CCSER2: variants seen among roughly 807,000 people sequenced by gnomAD.
CCSER2 encodes coiled-coil serine rich protein 2, also known as serine-rich coiled-coil domain-containing protein 2.
In CCSER2, 46 loss-of-function variants were observed where a neutral mutation model predicts 92.3. That is an observed-to-expected ratio of 0.50 (90% confidence interval 0.39 to 0.64). The LOEUF (loss-of-function observed/expected upper bound fraction) is 0.64. Ranked by LOEUF, CCSER2 falls within the 30% of genes least tolerant of loss-of-function variation. The pLI is 0.00. For synonymous variants in CCSER2, 433 were observed against 431.4 expected (o/e 1.00, Z -0.04); for missense variants, 1,244 against 1,238.9 (o/e 1.00, Z -0.06).
At chr10:84,384,948 A>G (rs1367797952) in intron 3 of CCSER2, among the ~76,000 whole-genome samples, 1 of 152,022 alleles carries the variant, frequency 6.6e-6, no homozygotes, top group African/African-American at 2.4e-5. Context: ...TGGTATATCC[A>G]TACACCATCA....
intron 9 of CCSER2, among the ~76,000 whole-genome samples, chr10:84,499,144 AT>A (rs929495160): frequency 1.3e-5 from 2 of 150,924 alleles, no homozygotes; most frequent in Non-Finnish European, 3.0e-5. Context: ...AAGAAATTTT[AT>A]TTTTTTTTGA....
At chr10:84,483,513 A>C (rs896548927) in intron 9 of CCSER2, among the ~76,000 whole-genome samples, 19 of 152,154 alleles carry the variant, frequency 1.2e-4, no homozygotes, top group African/African-American at 4.6e-4. Flanking sequence ...CAGTTACATC[A>C]CAAAAATCAC....
intron 5 of CCSER2, among the ~76,000 whole-genome samples, chr10:84,431,491 A>T (rs1843760731): frequency 6.6e-6 from 1 of 152,186 alleles, no homozygotes; most frequent in African/African-American, 2.4e-5. Context: ...CTGCAGTCTC[A>T]GCACTTTGAG....
intron 3 of CCSER2, among the ~76,000 whole-genome samples, chr10:84,382,346 A>G (rs1436442452): frequency 6.6e-6 from 1 of 152,174 alleles, no homozygotes; most frequent in Non-Finnish European, 1.5e-5. Context: ...AGAGGAGTTG[A>G]GTAAATTGGC....
Position 84,417,834 on chromosome 10 carries a change from C to T in CCSER2, c.1678C>T (p.Leu560=). Residue 560 remains leucine (L), a synonymous_variant, in exon 4 of 10, where the codon CTG becomes TTG. Transcript: ENST00000372088. ...TGATGATCTTATGCTTGATGTGGATCTGCCTGAGGATGCACCTCTTGAAAA... is the reference window on the plus strand; with the variant it reads ...TGATGATCTTATGCTTGATGTGGATTTGCCTGAGGATGCACCTCTTGAAAA... ...EDDDLMLDVD[L]PEDAPLENVE... is the part of the protein sequence containing the mutation. 1 of 1,587,782 alleles carries T rather than the reference C, an allele frequency of 6.3e-7. No homozygotes were observed. Among genetic ancestry groups the T allele is most frequent in the Non-Finnish European group, 8.6e-7 (1 of 1,156,242 alleles).
intron 1 of CCSER2, among the ~76,000 whole-genome samples, chr10:84,344,934 T>C (rs1844398577): frequency 1.3e-5 from 2 of 150,656 alleles, no homozygotes; most frequent in Non-Finnish European, 3.0e-5. Flanking sequence ...ATAATAAAAA[T>C]ATCTACACTG....
chr10:84,393,966 A>G (rs192911334), intron 3 of CCSER2: 1 of 152,348 alleles, frequency 6.6e-6, no homozygotes, highest in Non-Finnish European at 1.5e-5. Context: ...TTGAGTTACA[A>G]AATTTGAACG....
intron 6 of CCSER2, among the ~76,000 whole-genome samples, chr10:84,448,748 AC>A (rs1845082610): frequency 6.6e-6 from 1 of 152,076 alleles, no homozygotes; most frequent in Admixed American, 6.5e-5. Context: ...TCTTTCTCAA[AC>A]CCGGCCCAGG....
At chr10:84,438,268 G>A (rs539494168) in intron 5 of CCSER2, among the ~76,000 whole-genome samples, 36 of 152,272 alleles carry the variant, frequency 2.4e-4, no homozygotes, top group Middle Eastern at 6.8e-3. Flanking sequence ...CCTAAAGAAG[G>A]TTTATTCTTC....
intron 3 of CCSER2, among the ~76,000 whole-genome samples, chr10:84,399,801 C>CT (rs35557307): frequency 0.12 from 15,500 of 133,224 alleles, 1,002 homozygotes; most frequent in Admixed American, 0.17. Context: ...CTTTTTTGGC[C>CT]TTTTTTTTTT....
chr10:84,463,387 C>A (rs1011792746), intron 6 of CCSER2, among the ~76,000 whole-genome samples: 1 of 152,090 alleles, frequency 6.6e-6, no homozygotes, highest in African/African-American at 2.4e-5. Context: ...TTTAGTCTAC[C>A]ATCATTCTTC....
chr10:84,509,263 C>T (rs1410572528), intron 9 of CCSER2, among the ~76,000 whole-genome samples: 2 of 152,072 alleles, frequency 1.3e-5, no homozygotes, highest in Non-Finnish European at 2.9e-5. Context: ...AATTCTTGGC[C>T]AAATAAGTAA....
chr10:84,366,377 G>A (rs974735985), intron 1 of CCSER2, among the ~76,000 whole-genome samples: 1 of 152,188 alleles, frequency 6.6e-6, no homozygotes. Context: ...TTACTTAAAA[G>A]TTGAGGATCT....
intron 1 of CCSER2, among the ~76,000 whole-genome samples, chr10:84,348,527 AG>A (rs1435486160): frequency 6.6e-6 from 1 of 152,078 alleles, no homozygotes; most frequent in East Asian, 1.9e-4. Flanking sequence ...GGCGAGGGCG[AG>A]GGCGAGGGAG....
chr10:84,447,615 G>C (rs1334986379), intron 6 of CCSER2, among the ~76,000 whole-genome samples: 1 of 152,008 alleles, frequency 6.6e-6, no homozygotes, highest in Non-Finnish European at 1.5e-5. Context: ...ATCCTTTCTT[G>C]CTCTGAGGCC....
intron 6 of CCSER2, chr10:84,454,944 T>A (rs1277244725): frequency 6.6e-6 from 1 of 152,288 alleles, no homozygotes; most frequent in African/African-American, 2.4e-5. Flanking sequence ...TGAGAGGTAA[T>A]TGAATCATGG....
intron 9 of CCSER2, among the ~76,000 whole-genome samples, chr10:84,501,492 T>G (rs1383615293): frequency 6.6e-6 from 1 of 152,126 alleles, no homozygotes; most frequent in Non-Finnish European, 1.5e-5. Flanking sequence ...TATTCTGTAT[T>G]ACAAATAGAG....
intron 9 of CCSER2, among the ~76,000 whole-genome samples, chr10:84,480,576 A>G (rs369413367): frequency 6.6e-6 from 1 of 152,198 alleles, no homozygotes; most frequent in Admixed American, 6.5e-5. Flanking sequence ...AGGCCAAAAT[A>G]TGTACGTTTA....
At chr10:84,342,966 G>A (rs564206549) in intron 1 of CCSER2, among the ~76,000 whole-genome samples, 9 of 152,142 alleles carry the variant, frequency 5.9e-5, no homozygotes, top group South Asian at 2.1e-4. Flanking sequence ...TCTGCCTCCC[G>A]GGTTCAAGCA....
Sources: allele counts gnomAD v4.1 joint callset (sites outside exome capture counted in the v4.1 genomes callset), GRCh38; gene constraint gnomAD v4.1.1; transcripts MANE v1.5; gene names NCBI Gene and HGNC (gene_info 2026-07-23, HGNC 2026-07-21).